The following TEX36 variants were observed in gnomAD, a reference collection of about 807,000 sequenced individuals.
The protein encoded by TEX36 is testis-expressed protein 36.
A neutral mutation model predicts 13.6 loss-of-function variants in TEX36; 12 were observed. The ratio of observed to expected loss-of-function variants is 0.88; its 90% CI spans 0.56 to 1.43. The LOEUF (loss-of-function observed/expected upper bound fraction) is 1.43. Among genes scored for constraint, TEX36 ranks in the 40% most tolerant of loss-of-function variants. The pLI is 0.00. For missense variants in TEX36, 224 were observed against 228.3 expected, an observed-to-expected ratio of 0.98 and a Z score of 0.12; for synonymous variants, 93 against 83.0, an observed-to-expected ratio of 1.12 and a Z score of -0.65.
intron 3 of TEX36, among the ~76,000 whole-genome samples, chr10:125,597,224 A>G (rs17153234): frequency 0.016 from 2,368 of 152,196 alleles, 54 homozygotes; most frequent in African/African-American, 0.052. Context: ...CTTGGACTTC[A>G]CATCAAACTC....
chr10:125,588,597 GTTTGTTT>G (rs1565167882), intron 3 of TEX36, among the ~76,000 whole-genome samples: 41 of 27,206 alleles, frequency 1.5e-3, no homozygotes, highest in Admixed American at 5.1e-3. Flanking sequence ...CTCTTGGTTT[GTTTGTTT>G]GTTTGTTTGT....
At chr10:125,633,705 C>G (rs1347122841) in intron 3 of TEX36, among the ~76,000 whole-genome samples, 1 of 152,132 alleles carries the variant, frequency 6.6e-6, no homozygotes, top group Non-Finnish European at 1.5e-5. Flanking sequence ...CGAGGTGCTG[C>G]TCACATGATG....
At chr10:125,654,719 A>C (rs1846913256), downstream of TEX36, among the ~76,000 whole-genome samples, 1 of 152,240 alleles carries the variant, frequency 6.6e-6, no homozygotes, top group Non-Finnish European at 1.5e-5. Flanking sequence ...AATGCAAAAT[A>C]AGAAAATAAC....
chr10:125,679,330 A>G (rs915520877), intron 1 of TEX36, among the ~76,000 whole-genome samples: 3 of 152,076 alleles, frequency 2.0e-5, no homozygotes, highest in East Asian at 1.9e-4. Context: ...CAACAGCCCA[A>G]GTTTCCATAA....
intron 3 of TEX36, among the ~76,000 whole-genome samples, chr10:125,580,448 A>G (rs1399775297): frequency 6.6e-6 from 1 of 152,260 alleles, no homozygotes; most frequent in Non-Finnish European, 1.5e-5. Flanking sequence ...TACACCAGCT[A>G]GACAGGGCTA....
chr10:125,680,704 G>T (rs777853933), intron 1 of TEX36, among the ~76,000 whole-genome samples: 1 of 152,004 alleles, frequency 6.6e-6, no homozygotes. Context: ...TTCCCTCCTC[G>T]TCTACAAGTT....
chr10:125,608,661 G>A (rs747440669), intron 3 of TEX36, among the ~76,000 whole-genome samples: 20 of 152,250 alleles, frequency 1.3e-4, no homozygotes, highest in Non-Finnish European at 2.8e-4. Context: ...TCCCCGCTCA[G>A]CACATCTTGT....
At chr10:125,613,098 T>C (rs1846310269) in intron 3 of TEX36, among the ~76,000 whole-genome samples, 1 of 151,704 alleles carries the variant, frequency 6.6e-6, no homozygotes, top group Non-Finnish European at 1.5e-5. Context: ...TAGCAGAGTG[T>C]CGTGTTGAGG....
chr10:125,608,857 G>A (rs946866350), intron 3 of TEX36, among the ~76,000 whole-genome samples: 6 of 151,844 alleles, frequency 4.0e-5, no homozygotes, highest in African/African-American at 7.2e-5. Context: ...AAGGGAGGCC[G>A]GGCGCGGTGG....
chr10:125,625,427 T>C (rs940668166), intron 3 of TEX36, among the ~76,000 whole-genome samples: 2 of 152,172 alleles, frequency 1.3e-5, no homozygotes, highest in African/African-American at 4.8e-5. Context: ...AAGGTAAAAG[T>C]CAGATTTGAT....
chr10:125,627,764 G>A (rs746304224), intron 3 of TEX36, among the ~76,000 whole-genome samples: 5 of 152,232 alleles, frequency 3.3e-5, no homozygotes, highest in South Asian at 2.1e-4. Context: ...CCAGGTCTGC[G>A]TGAGTCCTTG....
chr10:125,598,218 C>T (rs928031659), intron 3 of TEX36, among the ~76,000 whole-genome samples: 11 of 152,200 alleles, frequency 7.2e-5, no homozygotes, highest in Non-Finnish European at 1.2e-4. Flanking sequence ...TCTTTGAAGA[C>T]GCTGCTGATA....
At chr10:125,620,789 C>T (rs1846420023), downstream of TEX36, among the ~76,000 whole-genome samples, 1 of 152,196 alleles carries the variant, frequency 6.6e-6, no homozygotes, top group Non-Finnish European at 1.5e-5. Context: ...CTCAGACCTC[C>T]CTCCCCCAGA....
chr10:125,606,334 A>G (rs1846215313), intron 3 of TEX36, among the ~76,000 whole-genome samples: 1 of 152,248 alleles, frequency 6.6e-6, no homozygotes, highest in Non-Finnish European at 1.5e-5. Flanking sequence ...ACAGGTAATT[A>G]TACTTTGTGT....
rs1311494106 is a variant in TEX36 at position 125,663,716 on chromosome 10, T to A, written c.52-1739A>T. On this transcript the variant is annotated intron_variant, in intron 1 of 3. Coordinates refer to ENST00000368821, the MANE Select transcript of TEX36 (RefSeq NM_001128202.3). ...TGTCTCCTTTTTTAAATTTTTTAAA[T>A]TTTTTATGTGTACATAGTAGCTGTA... Among the ~76,000 whole-genome samples, 4 of 151,340 alleles carry A rather than the reference T, an allele frequency of 2.6e-5. No individual in the cohort carries two copies. The East Asian group carries it at 7.7e-4, about 29-fold the overall frequency.
chr10:125,580,191 AC>A (rs1845867304), intron 3 of TEX36, among the ~76,000 whole-genome samples: 1 of 152,196 alleles, frequency 6.6e-6, no homozygotes, highest in Non-Finnish European at 1.5e-5. Context: ...TGCACATTGG[AC>A]TTGTCTTTAA....
intron 3 of TEX36, among the ~76,000 whole-genome samples, chr10:125,630,988 G>A (rs558951319): frequency 2.2e-4 from 34 of 151,888 alleles, no homozygotes; most frequent in Admixed American, 5.9e-4. Context: ...CCTGTCTCAG[G>A]TTCTCTTCCC....
intron 3 of TEX36, among the ~76,000 whole-genome samples, chr10:125,586,044 T>C (rs752056853): frequency 3.3e-5 from 5 of 152,196 alleles, no homozygotes; most frequent in Non-Finnish European, 7.3e-5. Context: ...AGTTCAGTAA[T>C]AGACGGCAAC....
chr10:125,630,213 G>A lies in TEX36; in HGVS notation c.265-8568C>T, dbSNP rs149365610. Among the ~76,000 whole-genome samples, 422 of 152,256 alleles carry A rather than the reference G, an allele frequency of 2.8e-3. 4 individuals carry two copies. The highest frequency in any genetic ancestry group is 9.0e-3 in the African/African-American group (375 of 41,536). ...TTATTTATTTTGTTTCAGCTACTAG[G>A]GGTGCATAACAAGTTACCCCAGAAC... is the stretch of plus-strand genomic sequence containing the variant. On this transcript the variant is annotated intron_variant, in intron 3 of 3. Coordinates refer to the TEX36 transcript ENST00000526819.
Sources: allele counts gnomAD v4.1 joint callset (sites outside exome capture counted in the v4.1 genomes callset), GRCh38; gene constraint gnomAD v4.1.1; transcripts MANE v1.5; gene names NCBI Gene and HGNC (gene_info 2026-07-23, HGNC 2026-07-21).